The following SLC25A26 variants were observed in gnomAD, a reference collection of about 807,000 sequenced individuals.
SLC25A26 encodes mitochondrial S-adenosylmethionine carrier protein.
SLC25A26 carries 36 observed loss-of-function variants against 37.8 expected under a neutral mutation model. The observed-to-expected ratio is 0.95, with a 90% CI of 0.73 to 1.26. The LOEUF (loss-of-function observed/expected upper bound fraction) is 1.26, where lower values mean the gene tolerates loss of function less well. SLC25A26 is among the 50% of genes most tolerant of loss of function. The pLI is 0.00. For synonymous variants in SLC25A26, 129 were observed against 122.5 expected, an observed-to-expected ratio of 1.05 and a Z score of -0.35; for missense variants, 390 against 331.1, an observed-to-expected ratio of 1.18 and a Z score of -1.38.
chr3:66,273,760 G>A (rs1397057732), intron 5 of SLC25A26, among the ~76,000 whole-genome samples: 5 of 152,074 alleles, frequency 3.3e-5, no homozygotes, highest in East Asian at 1.9e-4. Flanking sequence ...GGATACAAAC[G>A]AATGGAAGAA....
intron 1 of SLC25A26, among the ~76,000 whole-genome samples, chr3:66,233,002 C>T (rs958160360): frequency 6.6e-5 from 10 of 152,136 alleles, no homozygotes; most frequent in African/African-American, 2.4e-4. Context: ...TGGAGGAAAC[C>T]GAGACTGTCG....
chr3:66,297,900 A>G (rs531329103), intron 5 of SLC25A26, among the ~76,000 whole-genome samples: 3 of 152,322 alleles, frequency 2.0e-5, no homozygotes, highest in African/African-American at 7.2e-5. Context: ...CTTTAATTCT[A>G]AGTTCTCAAA....
At chr3:66,182,741 A>T in intron 1 of SLC25A26, among the ~76,000 whole-genome samples, 1 of 150,632 alleles carries the variant, frequency 6.6e-6, no homozygotes, top group Non-Finnish European at 1.5e-5. Context: ...GGGTATCAGT[A>T]GAAAAGACCA....
intron 5 of SLC25A26, among the ~76,000 whole-genome samples, chr3:66,327,504 A>G (rs1433064143): frequency 6.6e-6 from 1 of 152,184 alleles, no homozygotes; most frequent in African/African-American, 2.4e-5. Flanking sequence ...CCAGTTCTCC[A>G]AAAATAAAAA....
At chr3:66,333,919 G>A (rs1475414613) in intron 5 of SLC25A26, among the ~76,000 whole-genome samples, 1 of 152,170 alleles carries the variant, frequency 6.6e-6, no homozygotes, top group Non-Finnish European at 1.5e-5. Context: ...TTAGCTGTCT[G>A]CAGGTCCCGG....
intron 2 of SLC25A26, among the ~76,000 whole-genome samples, chr3:66,236,985 C>T (rs144192780): frequency 7.2e-5 from 11 of 152,210 alleles, no homozygotes; most frequent in Admixed American, 1.3e-4. Context: ...TACAGGCGTG[C>T]ACCACCATGC....
At chr3:66,151,308 G>A (rs1012139881) in intron 1 of SLC25A26, among the ~76,000 whole-genome samples, 5 of 152,062 alleles carry the variant, frequency 3.3e-5, no homozygotes, top group Non-Finnish European at 5.9e-5. Context: ...AAGCAAAGCT[G>A]GTCTACTCTG....
chr3:66,276,974 G>T (rs549286272), intron 5 of SLC25A26, among the ~76,000 whole-genome samples: 1 of 147,436 alleles, frequency 6.8e-6, no homozygotes, highest in Non-Finnish European at 1.5e-5. Flanking sequence ...AAAAAAAAAG[G>T]TTCAAATTAG....
intron 6 of SLC25A26, among the ~76,000 whole-genome samples, chr3:66,349,346 C>T (rs891247237): frequency 1.3e-5 from 2 of 152,154 alleles, no homozygotes; most frequent in Non-Finnish European, 2.9e-5. Flanking sequence ...TTCCATCAAC[C>T]CAGAAAGTTC....
chr3:66,211,362 T>C (rs931955014), intron 1 of SLC25A26, among the ~76,000 whole-genome samples: 2 of 151,982 alleles, frequency 1.3e-5, no homozygotes, highest in Admixed American at 1.3e-4. Flanking sequence ...TTTGGAAGGT[T>C]TGCAATGAGA....
In SLC25A26 at chr3:66,211,377, TA is replaced by T. The variant is rs1184378583; in HGVS notation, c.-353-9359del. ...TTTGGAAGGTTTGCAATGAGAAAGG[TA>T]AAAAATGGCAAACAGCCTGAAAGTG... On this transcript the variant is annotated intron_variant, in intron 1 of 10. Transcript: ENST00000676754. Among the ~76,000 whole-genome samples the T allele has an allele frequency of 0.013, 2,028 of 152,176 alleles. 142 individuals are homozygous for T. The East Asian group carries it at 0.19, about 14-fold the overall frequency.
chr3:66,322,646 T>G (rs1249437149), intron 5 of SLC25A26, among the ~76,000 whole-genome samples: 1 of 152,240 alleles, frequency 6.6e-6, no homozygotes, highest in Non-Finnish European at 1.5e-5. Flanking sequence ...AACATGTGGT[T>G]TTAATAACAA....
chr3:66,161,073 A>G (rs1027450810), intron 1 of SLC25A26, among the ~76,000 whole-genome samples: 1 of 152,080 alleles, frequency 6.6e-6, no homozygotes, highest in East Asian at 1.9e-4. Context: ...TTATCCATAT[A>G]TTAAATAAGC....
intron 1 of SLC25A26, among the ~76,000 whole-genome samples, chr3:66,194,246 G>A (rs957772529): frequency 2.0e-5 from 3 of 152,148 alleles, no homozygotes; most frequent in Non-Finnish European, 4.4e-5. Flanking sequence ...TTTGCTCATT[G>A]TGTATTTATT....
At chr3:66,230,689 C>T (rs1323205944) in intron 1 of SLC25A26, among the ~76,000 whole-genome samples, 4 of 151,258 alleles carry the variant, frequency 2.6e-5, no homozygotes, top group African/African-American at 9.7e-5. Context: ...CCTGTAATCC[C>T]AGCTACTTGG....
intron 2 of SLC25A26, among the ~76,000 whole-genome samples, chr3:66,240,323 T>C (rs570905568): frequency 1.3e-5 from 2 of 152,194 alleles, no homozygotes; most frequent in Admixed American, 6.5e-5. Context: ...CAGGTCTCAC[T>C]CCGTTGCCCA....
At chr3:66,321,194 A>G (rs2075684305) in intron 5 of SLC25A26, among the ~76,000 whole-genome samples, 1 of 152,234 alleles carries the variant, frequency 6.6e-6, no homozygotes, top group Non-Finnish European at 1.5e-5. Context: ...GCAAATTCTC[A>G]GGTCCTACCT....
Position 66,349,255 on chromosome 3 carries a change from C to T in SLC25A26, c.498+2847C>T, listed in dbSNP as rs554040272. 6.6e-5 allele frequency among the ~76,000 whole-genome samples: 10 copies of T among 152,054 alleles called. No individual in the cohort carries two copies. In the East Asian group the frequency reaches 1.5e-3, roughly 23 times the overall value. ...TTCTGTCAAGTCGTTTCTTGAGGAA[C>T]GCTTTACATATGATAAAACTCACCC... On this transcript the variant is annotated intron_variant, in intron 6 of 9. Coordinates refer to ENST00000354883, the MANE Select transcript of SLC25A26 (RefSeq NM_001379210.1).
chr3:66,226,205 G>A (rs1169381545), intron 1 of SLC25A26, among the ~76,000 whole-genome samples: 1 of 152,178 alleles, frequency 6.6e-6, no homozygotes, highest in Non-Finnish European at 1.5e-5. Context: ...GCTGGCAGAG[G>A]GGCCTCACAA....
Sources: allele counts gnomAD v4.1 joint callset (sites outside exome capture counted in the v4.1 genomes callset), GRCh38; gene constraint gnomAD v4.1.1; transcripts MANE v1.5; gene names NCBI Gene and HGNC (gene_info 2026-07-23, HGNC 2026-07-21).